The following SORCS3 variants were observed in gnomAD, a reference collection of about 807,000 sequenced individuals.
The protein encoded by SORCS3 is VPS10 domain-containing receptor SorCS3.
A neutral mutation model predicts 146.3 loss-of-function variants in SORCS3; 57 were observed. The ratio of observed to expected loss-of-function variants is 0.39; its 90% CI spans 0.31 to 0.49. The LOEUF (loss-of-function observed/expected upper bound fraction) is 0.49, where lower values mean the gene tolerates loss of function less well. Ranked by LOEUF, SORCS3 falls within the 20% of genes least tolerant of loss-of-function variation. SORCS3 has a pLI of 0.92. For missense variants in SORCS3, 1,341 were observed against 1,575.5 expected, an observed-to-expected ratio of 0.85 and a Z score of 2.52; for synonymous variants, 653 against 618.5, an observed-to-expected ratio of 1.06 and a Z score of -0.83.
chr10:104,976,151 A>C (rs1445700173), intron 3 of SORCS3, among the ~76,000 whole-genome samples: 2 of 152,226 alleles, frequency 1.3e-5, no homozygotes, highest in Non-Finnish European at 2.9e-5. Flanking sequence ...AAATTTTCGC[A>C]TCCTACTCAT....
chr10:104,869,817 A>AAACAT (rs1279600360), intron 2 of SORCS3, among the ~76,000 whole-genome samples: 1 of 152,212 alleles, frequency 6.6e-6, no homozygotes, highest in Non-Finnish European at 1.5e-5. Context: ...CCATTCTTTC[A>AAACAT]AACATCTTTT....
chr10:105,224,016 C>G (rs919903920), intron 20 of SORCS3, among the ~76,000 whole-genome samples: 5 of 152,204 alleles, frequency 3.3e-5, no homozygotes, highest in Admixed American at 1.3e-4. Flanking sequence ...ACATGTATAG[C>G]CTCCTCCATT....
intron 16 of SORCS3, among the ~76,000 whole-genome samples, chr10:105,207,204 C>T (rs1300356730): frequency 6.6e-6 from 1 of 151,942 alleles, no homozygotes; most frequent in Admixed American, 6.6e-5. Flanking sequence ...CTTTTCTTTT[C>T]CAGTCTACCA....
intron 6 of SORCS3, among the ~76,000 whole-genome samples, chr10:105,096,174 G>A (rs1268836669): frequency 6.6e-6 from 1 of 151,330 alleles, no homozygotes. Context: ...CCTTACCTGG[G>A]CCCCACCACA....
intron 7 of SORCS3, among the ~76,000 whole-genome samples, chr10:105,110,835 T>C (rs1362863095): frequency 6.6e-6 from 1 of 152,182 alleles, no homozygotes; most frequent in Non-Finnish European, 1.5e-5. Context: ...TAAATCCTTA[T>C]TATATATTTT....
chr10:104,960,275 C>T (rs2054786221), intron 3 of SORCS3, among the ~76,000 whole-genome samples: 1 of 152,146 alleles, frequency 6.6e-6, no homozygotes, highest in Admixed American at 6.6e-5. Context: ...TGAAGGTTAT[C>T]TTCCTTCTCC....
At chr10:104,874,900 C>A (rs1315556292) in intron 2 of SORCS3, among the ~76,000 whole-genome samples, 1 of 152,136 alleles carries the variant, frequency 6.6e-6, no homozygotes, top group Non-Finnish European at 1.5e-5. Flanking sequence ...CCAGCACCAC[C>A]AAATCTTGGT....
intron 4 of SORCS3, among the ~76,000 whole-genome samples, chr10:105,022,003 T>G (rs2839943): frequency 0.32 from 47,978 of 152,076 alleles, 9,062 homozygotes; most frequent in African/African-American, 0.53. Context: ...GGCAAACCTG[T>G]GGATACAGTA....
In SORCS3 at chr10:105,137,554, C is replaced by T. The variant is rs367909266; in HGVS notation, c.1213-1843C>T. 5.3e-5 allele frequency among the ~76,000 whole-genome samples: 8 copies of T among 152,162 alleles called. No homozygotes were observed. In the East Asian group the frequency reaches 1.5e-3, roughly 29 times the overall value. On this transcript the variant is annotated intron_variant, in intron 7 of 26. Transcript: ENST00000369701. ...AACACAGAATTCAGGAACATATCTA[C>T]ATCTGAGAGGCAGGGGGTCAGGGCA... is the stretch of plus-strand genomic sequence containing the variant.
Position 104,811,007 on chromosome 10 carries a change from A to C in SORCS3, c.628-31785A>C, listed in dbSNP as rs578199347. On this transcript the variant is annotated intron_variant, in intron 1 of 26. Coordinates refer to ENST00000369701, the MANE Select transcript of SORCS3 (RefSeq NM_014978.3). ...ATTGTACTGTATGTAAATTTAAAAAACAAAATTCTAAAAATGATTAAGAAA... is the reference window on the plus strand; with the variant it reads ...ATTGTACTGTATGTAAATTTAAAAACCAAAATTCTAAAAATGATTAAGAAA... Among the ~76,000 whole-genome samples, 5 of 152,350 alleles carry C rather than the reference A, an allele frequency of 3.3e-5. No homozygotes were observed. In the South Asian group the frequency reaches 1.0e-3, roughly 32 times the overall value.
intron 4 of SORCS3, among the ~76,000 whole-genome samples, chr10:105,036,388 G>T (rs1402984068): frequency 6.6e-6 from 1 of 152,168 alleles, no homozygotes; most frequent in African/African-American, 2.4e-5. Context: ...AGTTTCTGGA[G>T]ATCAGGGAAC....
intron 20 of SORCS3, among the ~76,000 whole-genome samples, chr10:105,242,489 T>TATTTATATAC (rs1564793514): frequency 9.4e-5 from 2 of 21,390 alleles, no homozygotes; most frequent in East Asian, 6.6e-3. Flanking sequence ...TATATTTATA[T>TATTTATATAC]ATTTATATAT....
intron 1 of SORCS3, among the ~76,000 whole-genome samples, chr10:104,773,015 G>A (rs1392271416): frequency 2.6e-5 from 4 of 152,176 alleles, no homozygotes; most frequent in African/African-American, 7.2e-5. Flanking sequence ...CTGGAAGAAG[G>A]CATGCTGGGT....
chr10:105,137,536 A>G (rs2056067289), intron 7 of SORCS3, among the ~76,000 whole-genome samples: 1 of 152,164 alleles, frequency 6.6e-6, no homozygotes, highest in Non-Finnish European at 1.5e-5. Context: ...GTAAACACAG[A>G]ATTCAGGAAC....
At chr10:105,237,121 C>T (rs1235303202) in intron 20 of SORCS3, among the ~76,000 whole-genome samples, 1 of 152,052 alleles carries the variant, frequency 6.6e-6, no homozygotes, top group Non-Finnish European at 1.5e-5. Context: ...ACCCAGGTCC[C>T]AAAGGTCTTA....
At chr10:105,263,208 C>T (rs1262124457) in intron 26 of SORCS3, 102 bp from the exon 27 acceptor site, 3 of 1,045,204 alleles carry the variant, frequency 2.9e-6, no homozygotes, top group East Asian at 2.5e-5. Context: ...TCCTATTAAG[C>T]ACCTGTTCTG....
Position 104,641,465 on chromosome 10 carries a change from G to A in SORCS3, c.138G>A (p.Pro46=). ...ACGCGACAGGCGGTCCCGGACGCCC[G>A]GCGGCCCCGGCTTCGCGGCCACCGG... is the stretch of plus-strand genomic sequence containing the variant. ...TWDATGGPGR[P]AAPASRPPAL... Residue 46 remains proline (P), a synonymous_variant, in exon 1 of 27, where the codon CCG becomes CCA. Transcript: ENST00000369701. The surrounding 1 kb of genome is among the most constrained non-coding windows in gnomAD (Gnocchi z 6.4). The A allele has an allele frequency of 6.8e-7, 1 of 1,466,788 alleles. No homozygotes were observed. The highest frequency in any genetic ancestry group is 9.0e-7 in the Non-Finnish European group (1 of 1,116,558). 90.9% of individuals were successfully genotyped at this position (1,466,788 alleles called of 1,614,324 possible).
chr10:105,241,880 G>A (rs1250159387), intron 20 of SORCS3, among the ~76,000 whole-genome samples: 1 of 152,176 alleles, frequency 6.6e-6, no homozygotes, highest in East Asian at 1.9e-4. Flanking sequence ...GCATGACAGT[G>A]TAGAAAACCA....
At chr10:104,760,219 C>T (rs1010521642) in intron 1 of SORCS3, among the ~76,000 whole-genome samples, 5 of 152,170 alleles carry the variant, frequency 3.3e-5, no homozygotes, top group Admixed American at 2.6e-4. Context: ...TCTTGTGTGC[C>T]TTGTCTCAGG....
Sources: allele counts gnomAD v4.1 joint callset (sites outside exome capture counted in the v4.1 genomes callset), GRCh38; gene constraint gnomAD v4.1.1; non-coding constraint Gnocchi (gnomAD v3.1); transcripts MANE v1.5; gene names NCBI Gene and HGNC (gene_info 2026-07-23, HGNC 2026-07-21).